TTYH3: variants seen among roughly 807,000 people sequenced by gnomAD.
TTYH3 encodes protein tweety homolog 3.
TTYH3 carries 23 observed loss-of-function variants against 68.2 expected under a neutral mutation model. The ratio of observed to expected loss-of-function variants is 0.34; its 90% CI spans 0.24 to 0.48. The LOEUF is 0.48. TTYH3 is among the 20% of genes least tolerant of loss of function. TTYH3 has a pLI of 0.99. For synonymous variants in TTYH3, 360 were observed against 332.8 expected (o/e 1.08, Z -0.89); for missense variants, 768 against 727.7 (o/e 1.06, Z -0.64).
At chr7:2,652,379 G>A in intron 8 of TTYH3, 137 bp downstream of exon 8, 1 of 785,652 alleles carries the variant, frequency 1.3e-6, no homozygotes, top group Non-Finnish European at 2.1e-6. Flanking sequence ...CTGGACAAAG[G>A]CTGTGTGGAT....
At chr7:2,643,596 TGCACCAGG>T (rs1785909536) in intron 1 of TTYH3, among the ~76,000 whole-genome samples, 1 of 152,232 alleles carries the variant, frequency 6.6e-6, no homozygotes, top group Non-Finnish European at 1.5e-5. Context: ...ATCAGCCCTC[TGCACCAGG>T]GCAGTGCCAT....
At chr7:2,656,686 G>A (rs1459037623) in intron 11 of TTYH3, 152 bp downstream of exon 11, 2 of 944,242 alleles carry the variant, frequency 2.1e-6, no homozygotes, top group African/African-American at 1.7e-5. Context: ...GGCCTCTCTA[G>A]TGTCTCTGAG....
intron 1 of TTYH3, among the ~76,000 whole-genome samples, chr7:2,634,457 C>G (rs1217169984): frequency 1.3e-5 from 2 of 152,000 alleles, no homozygotes; most frequent in African/African-American, 4.8e-5. Context: ...GGGGTGGACC[C>G]CTCACCCATC....
At chr7:2,649,458 TG>T in intron 5 of TTYH3, 108 bp from the exon 6 acceptor site, 3 of 1,107,628 alleles carry the variant, frequency 2.7e-6, no homozygotes, top group Non-Finnish European at 3.9e-6. Flanking sequence ...AGCCCATGTG[TG>T]GGCTGACCCC....
chr7:2,660,023 G>A (rs1359669646), intron 13 of TTYH3: 2 of 1,299,736 alleles, frequency 1.5e-6, no homozygotes, highest in Non-Finnish European at 2.0e-6. Flanking sequence ...TGTGGTAGCT[G>A]TTCCCTCAGA....
intron 13 of TTYH3, chr7:2,660,292 G>T (rs1786460116): frequency 2.0e-6 from 2 of 985,388 alleles, no homozygotes; most frequent in African/African-American, 1.7e-5. Flanking sequence ...GGCCTCTGGG[G>T]ACTCTGCCAC....
At position 2,648,047 on chromosome 7, in the gene TTYH3, CT is replaced by C; in HGVS notation, c.716del (p.Leu239ArgfsTer40). 1 of 1,609,286 alleles carries C rather than the reference CT, an allele frequency of 6.2e-7. No individual in the cohort carries two copies. Among genetic ancestry groups the C allele is most frequent in the Non-Finnish European group, 8.5e-7 (1 of 1,179,726 alleles). On this transcript the variant is annotated frameshift_variant, in exon 5 of 14. Transcript: ENST00000258796. LOFTEE classifies it high-confidence loss of function. Reference protein sequence around the residue: ...VGLIRSSKGILVGVCLLGVLA... With the variant: ...VGLIRSSKGIXVGVCLLGVLA... The stretch of plus-strand genomic sequence containing the variant: ...CCTCATCCGCAGCTCCAAGGGCATC[CT>C]GGTGGGGTGAGTCTGGGGGTGTCGG...
At chr7:2,656,226 G>T (rs1162467783) in intron 10 of TTYH3, 42 bp downstream of exon 10, 4 of 1,551,584 alleles carry the variant, frequency 2.6e-6, no homozygotes, top group East Asian at 2.4e-5. Flanking sequence ...CAGCTTGTAG[G>T]GTGGGAACAG....
At chr7:2,640,951 C>G (rs1183988703) in intron 1 of TTYH3, among the ~76,000 whole-genome samples, 2 of 152,198 alleles carry the variant, frequency 1.3e-5, no homozygotes, top group East Asian at 3.9e-4. Flanking sequence ...GGCTGCAGCA[C>G]CGGGTTTGGG....
At chr7:2,647,373 C>T (rs935519602) in intron 3 of TTYH3, 45 bp from the exon 4 acceptor site, 6 of 1,460,860 alleles carry the variant, frequency 4.1e-6, no homozygotes, top group Non-Finnish European at 5.4e-6. Context: ...GACTCTGGGG[C>T]GAGGCGGGCG....
At position 2,661,791 on chromosome 7, in the gene TTYH3, A is replaced by G. The variant is rs767351864; in HGVS notation, c.*52A>G. 5 of 1,559,810 alleles carry G rather than the reference A, an allele frequency of 3.2e-6. No homozygotes were observed. The highest frequency in any genetic ancestry group is 4.3e-6 in the Non-Finnish European group (5 of 1,152,666). ...CGTGCCAACTTCCCCTCCCCGTGCC[A>G]GCACTGCCGCTTCCACCTGGGCCAC... On this transcript the variant is annotated 3_prime_UTR_variant, in exon 14 of 14. Coordinates refer to ENST00000258796, the MANE Select transcript of TTYH3 (RefSeq NM_025250.3).
rs373673509 is a variant in TTYH3 at position 2,651,724 on chromosome 7, T to C, written c.872-463T>C. Among the ~76,000 whole-genome samples the C allele has an allele frequency of 4.2e-4, 64 of 152,308 alleles. No homozygotes were observed. The South Asian group carries it at 4.3e-3, about 10-fold the overall frequency. ...CCTATGTTGTTAAATACTTTCATCATTTTTTGAACTTTTAAAATGTTTTTT... is the reference window on the plus strand; with the variant it reads ...CCTATGTTGTTAAATACTTTCATCACTTTTTGAACTTTTAAAATGTTTTTT... On this transcript the variant is annotated intron_variant, in intron 7 of 13. Coordinates refer to ENST00000258796, the MANE Select transcript of TTYH3 (RefSeq NM_025250.3).
intron 13 of TTYH3, among the ~76,000 whole-genome samples, chr7:2,661,104 G>T (rs565424192): frequency 4.4e-4 from 67 of 152,284 alleles, no homozygotes; most frequent in African/African-American, 1.6e-3. Flanking sequence ...CCAGCCTCCT[G>T]TGTGGCTTAA....
Position 2,649,455 on chromosome 7 carries a change from G to C in TTYH3, c.723-112G>C. 2.8e-6 allele frequency: 3 copies of C among 1,059,964 alleles called. 1 individual carries two copies. In the South Asian group the frequency reaches 4.2e-5, roughly 15 times the overall value. 65.7% of individuals were successfully genotyped at this position (1,059,964 alleles called of 1,614,324 possible). ...GGCCACAGGAAGAGCCCCAGCCCAT[G>C]TGTGGGCTGACCCCTGATGTGCACT... On this transcript the variant is annotated intron_variant, in intron 5 of 13. Coordinates refer to ENST00000258796, the MANE Select transcript of TTYH3 (RefSeq NM_025250.3).
chr7:2,660,079 G>C, intron 13 of TTYH3: 4 of 1,287,266 alleles, frequency 3.1e-6, no homozygotes, highest in Non-Finnish European at 4.1e-6. Context: ...ACGGCCACCC[G>C]CCTGCGCCTC....
In TTYH3 at chr7:2,663,563, G is replaced by C. The variant is rs34650249; in HGVS notation, c.*1824G>C. 6.6e-6 allele frequency: 1 copy of C among 152,538 alleles called. No individual in the cohort carries two copies. The highest frequency in any genetic ancestry group is 2.4e-5 in the African/African-American group (1 of 41,442). 9.4% of individuals were successfully genotyped at this position (152,538 alleles called of 1,614,324 possible). On this transcript the variant is annotated 3_prime_UTR_variant, in exon 14 of 14. Coordinates refer to ENST00000258796, the MANE Select transcript of TTYH3 (RefSeq NM_025250.3). ...CTGGCTGACATTCTGAGCCCCCCTC[G>C]GAGGCCCCGCCACAGCCAACCTGCC...
chr7:2,638,872 C>T (rs368679616), intron 1 of TTYH3, among the ~76,000 whole-genome samples: 3 of 152,164 alleles, frequency 2.0e-5, no homozygotes, highest in Non-Finnish European at 4.4e-5. Flanking sequence ...AGGGGACCCA[C>T]GAGGCAAAGG....
intron 9 of TTYH3, 50 bp from the exon 10 acceptor site, chr7:2,656,042 G>C (rs1286331762): frequency 1.4e-6 from 2 of 1,428,376 alleles, no homozygotes; most frequent in Admixed American, 2.1e-5. Flanking sequence ...GCTGGCTCGA[G>C]GTCCCCCGTC....
intron 1 of TTYH3, among the ~76,000 whole-genome samples, chr7:2,644,832 C>T (rs567272759): frequency 1.8e-4 from 28 of 152,284 alleles, no homozygotes; most frequent in African/African-American, 6.0e-4. Flanking sequence ...GGACGTCGGC[C>T]GGCTTCCTGG....
Sources: allele counts gnomAD v4.1 joint callset (sites outside exome capture counted in the v4.1 genomes callset), GRCh38; gene constraint gnomAD v4.1.1; transcripts MANE v1.5; gene names NCBI Gene and HGNC (gene_info 2026-07-23, HGNC 2026-07-21).